Variants in DNAL1 observed in about 807,000 individuals in gnomAD.
The protein encoded by DNAL1 is chromosome 14 open reading frame 168.
A neutral mutation model predicts 29.4 loss-of-function variants in DNAL1; 17 were observed. The observed-to-expected ratio is 0.58, with a 90% CI of 0.40 to 0.87. The LOEUF (loss-of-function observed/expected upper bound fraction) is 0.87, where lower values mean the gene tolerates loss of function less well. DNAL1 is among the 40% of genes least tolerant of loss of function. DNAL1 has a pLI of 0.00. For missense variants in DNAL1, 188 were observed against 214.1 expected, an observed-to-expected ratio of 0.88 and a Z score of 0.76; for synonymous variants, 78 against 76.3, an observed-to-expected ratio of 1.02 and a Z score of -0.12.
intron 5 of DNAL1, among the ~76,000 whole-genome samples, chr14:73,680,265 G>A (rs57154247): frequency 0.027 from 4,144 of 152,170 alleles, 159 homozygotes; most frequent in African/African-American, 0.092. Context: ...GCTAGGCCAC[G>A]GCTGACGGAC....
At chr14:73,688,203 G>A (rs896213458) in intron 6 of DNAL1, among the ~76,000 whole-genome samples, 1 of 152,036 alleles carries the variant, frequency 6.6e-6, no homozygotes, top group Non-Finnish European at 1.5e-5. Context: ...AGTTATATGC[G>A]ATGAACTATA....
intron 4 of DNAL1, among the ~76,000 whole-genome samples, chr14:73,666,432 TCAGGTTA>T (rs1891482103): frequency 6.6e-6 from 1 of 152,136 alleles, no homozygotes; most frequent in African/African-American, 2.4e-5. Flanking sequence ...CTTTACTCCT[TCAGGTTA>T]CAGGTTACAA....
At chr14:73,683,655 C>A (rs936433207) in intron 5 of DNAL1, among the ~76,000 whole-genome samples, 4 of 146,106 alleles carry the variant, frequency 2.7e-5, no homozygotes, top group Non-Finnish European at 6.0e-5. Flanking sequence ...AACTACTGTT[C>A]TGCTCTCTAC....
At chr14:73,675,787 G>A (rs1891716992) in intron 5 of DNAL1, among the ~76,000 whole-genome samples, 1 of 151,822 alleles carries the variant, frequency 6.6e-6, no homozygotes, top group African/African-American at 2.4e-5. Flanking sequence ...GGAGGCCGAG[G>A]CAGTGGATCA....
chr14:73,647,364 C>CA (rs199974495), intron 1 of DNAL1, among the ~76,000 whole-genome samples: 37,966 of 91,806 alleles, frequency 0.41, 7,311 homozygotes, highest in Non-Finnish European at 0.48. Context: ...GACTCTGTCT[C>CA]AAAAAAAAAA....
chr14:73,664,132 C>A (rs1891420269), intron 4 of DNAL1, among the ~76,000 whole-genome samples: 1 of 152,368 alleles, frequency 6.6e-6, no homozygotes, highest in African/African-American at 2.4e-5. Flanking sequence ...ACATACTTAT[C>A]TGTGCAGGTG....
intron 5 of DNAL1, among the ~76,000 whole-genome samples, chr14:73,680,611 A>C (rs1891852203): frequency 6.6e-6 from 1 of 152,204 alleles, no homozygotes; most frequent in Admixed American, 6.5e-5. Context: ...CAAGGTGATT[A>C]GCATATCAAT....
intron 5 of DNAL1, among the ~76,000 whole-genome samples, chr14:73,680,868 A>T (rs1380793949): frequency 6.6e-6 from 1 of 152,214 alleles, no homozygotes; most frequent in Non-Finnish European, 1.5e-5. Context: ...ATATCACTGT[A>T]CTGAGTGCTG....
At chr14:73,670,279 A>G (rs958310272) in intron 4 of DNAL1, among the ~76,000 whole-genome samples, 3 of 152,224 alleles carry the variant, frequency 2.0e-5, no homozygotes, top group African/African-American at 7.2e-5. Flanking sequence ...TACAGTTGCT[A>G]CTAGCTACAT....
At chr14:73,649,325 A>C (rs1172136376) in intron 1 of DNAL1, among the ~76,000 whole-genome samples, 3 of 144,696 alleles carry the variant, frequency 2.1e-5, no homozygotes, top group African/African-American at 2.6e-5. Context: ...CTCTGTCGCC[A>C]GGGCTGGAGT....
rs1267516295 is a variant in DNAL1 at position 73,662,059 on chromosome 14, A to T, written c.208+17A>T. Reference sequence around the variant, plus strand: ...ATGGCTTAAGTAAGTGATTCACAGTAACAGATGGTTCATGGATTTCCTAGT... The same window carrying T: ...ATGGCTTAAGTAAGTGATTCACAGTTACAGATGGTTCATGGATTTCCTAGT... On this transcript the variant is annotated intron_variant, in intron 4 of 7. Coordinates refer to ENST00000553645, the MANE Select transcript of DNAL1 (RefSeq NM_031427.4). 27 of 1,547,020 alleles carry T rather than the reference A, an allele frequency of 1.7e-5. No homozygotes were observed. The highest frequency in any genetic ancestry group is 2.4e-5 in the Non-Finnish European group (27 of 1,140,910).
chr14:73,679,452 G>A (rs1891822944), intron 5 of DNAL1, among the ~76,000 whole-genome samples: 1 of 152,104 alleles, frequency 6.6e-6, no homozygotes, highest in Non-Finnish European at 1.5e-5. Context: ...AAAGGTGGAA[G>A]CAACCTAAGT....
chr14:73,670,095 A>G (rs922415651), intron 4 of DNAL1, among the ~76,000 whole-genome samples: 1 of 152,184 alleles, frequency 6.6e-6, no homozygotes, highest in Non-Finnish European at 1.5e-5. Context: ...AAATTCCTAT[A>G]AGATAGAAAT....
chr14:73,694,119 C>T (rs1031439385), intron 7 of DNAL1, among the ~76,000 whole-genome samples: 6 of 151,314 alleles, frequency 4.0e-5, no homozygotes, highest in Non-Finnish European at 8.8e-5. Flanking sequence ...AATGAAGGAA[C>T]TTTAAGCTGG....
intron 2 of DNAL1, 106 bp from the exon 3 acceptor site, chr14:73,658,741 A>G (rs1278499183): frequency 4.0e-6 from 3 of 749,862 alleles, no homozygotes; most frequent in African/African-American, 1.8e-5. Flanking sequence ...GCTAAATTCT[A>G]GCAATTGTCT....
At chr14:73,688,831 T>C (rs979549506) in intron 6 of DNAL1, among the ~76,000 whole-genome samples, 1 of 152,142 alleles carries the variant, frequency 6.6e-6, no homozygotes, top group African/African-American at 2.4e-5. Context: ...TTCATCCTTA[T>C]GCTAGCATTT....
At chr14:73,690,051 AGAAAAG>A (rs1892133572) in intron 7 of DNAL1, among the ~76,000 whole-genome samples, 5 of 112,298 alleles carry the variant, frequency 4.5e-5, no homozygotes, top group African/African-American at 1.9e-4. Context: ...AAAAAAAAAA[AGAAAAG>A]AAAAGAAAGC....
intron 1 of DNAL1, among the ~76,000 whole-genome samples, chr14:73,649,433 C>T (rs555036102): frequency 4.0e-5 from 6 of 151,634 alleles, no homozygotes; most frequent in Non-Finnish European, 5.9e-5. Context: ...CAGGCGCCTG[C>T]CACCACGCCC....
rs547357788 is a variant in DNAL1, at chr14:73,655,375, G to A, written c.42+490G>A. On this transcript the variant is annotated intron_variant, in intron 2 of 7. Transcript: ENST00000553645. ...TTTTTTTTTTTTGAGACGGAGTTTCGCTCTTGTCGCCCAGGCTGGAGTGCA... is the reference window on the plus strand; with the variant it reads ...TTTTTTTTTTTTGAGACGGAGTTTCACTCTTGTCGCCCAGGCTGGAGTGCA... Among the ~76,000 whole-genome samples the A allele has an allele frequency of 1.0e-4, 14 of 139,852 alleles. 1 individual carries two copies. In the South Asian group the frequency reaches 2.7e-3, roughly 27 times the overall value. The allele number at this position is 139,852 out of a possible 152,430, so 91.7% of individuals were successfully genotyped here.
Sources: gnomAD v4.1 joint callset for allele counts (sites outside exome capture counted in the v4.1 genomes callset) on GRCh38, gnomAD v4.1.1 for gene constraint, MANE v1.5 for transcripts, NCBI Gene and HGNC (gene_info 2026-07-23, HGNC 2026-07-21) for gene names.